The following KLHL1 variants were observed in gnomAD, a reference collection of about 807,000 sequenced individuals.
The protein encoded by KLHL1 is kelch-like protein 1.
A neutral mutation model predicts 77.7 loss-of-function variants in KLHL1; 47 were observed. The observed-to-expected ratio is 0.60, with a 90% CI of 0.48 to 0.77. KLHL1 has a LOEUF of 0.77. Among genes scored for constraint, KLHL1 ranks in the 30% least tolerant of loss-of-function variants. The probability of loss-of-function intolerance (pLI) is 0.00; values close to 1 mark genes in which losing one functional copy is unlikely to be tolerated. For missense variants in KLHL1, 925 were observed against 910.8 expected, an observed-to-expected ratio of 1.02 and a Z score of -0.20; for synonymous variants, 360 against 325.2, an observed-to-expected ratio of 1.11 and a Z score of -1.15.
At chr13:69,935,084 C>T (rs867736748) in intron 4 of KLHL1, among the ~76,000 whole-genome samples, 17 of 150,308 alleles carry the variant, frequency 1.1e-4, no homozygotes, top group African/African-American at 3.9e-4. Context: ...AATAGTTATA[C>T]TTTATAATGA....
intron 1 of KLHL1, among the ~76,000 whole-genome samples, chr13:70,077,550 C>T (rs569897527): frequency 6.6e-6 from 1 of 151,192 alleles, no homozygotes; most frequent in Non-Finnish European, 1.5e-5. Context: ...TGTGAAAATA[C>T]ATAAAACTGT....
chr13:69,907,930 G>A (rs71429624), intron 4 of KLHL1, among the ~76,000 whole-genome samples: 1 of 152,028 alleles, frequency 6.6e-6, no homozygotes, highest in South Asian at 2.1e-4. Flanking sequence ...GAAGAAAAGG[G>A]AGAATCTATT....
chr13:69,854,296 A>G (rs2138136886), intron 5 of KLHL1, among the ~76,000 whole-genome samples: 1 of 152,152 alleles, frequency 6.6e-6, no homozygotes, highest in East Asian at 1.9e-4. Context: ...ATTGAGGAAG[A>G]TGAAGGGGGG....
At chr13:69,837,622 ATGTGTGTG>A (rs911961087) in intron 6 of KLHL1, among the ~76,000 whole-genome samples, 87 of 134,884 alleles carry the variant, frequency 6.4e-4, no homozygotes, top group African/African-American at 2.3e-3. Context: ...CTCTATATAT[ATGTGTGTG>A]TATATATATA....
intron 6 of KLHL1, among the ~76,000 whole-genome samples, chr13:69,831,282 A>T (rs145056251): frequency 0.043 from 6,447 of 149,944 alleles, 901 homozygotes; most frequent in African/African-American, 0.15. Context: ...CTGATAACAC[A>T]GAAATAGAAA....
At chr13:69,944,007 G>T (rs1356696692) in intron 3 of KLHL1, among the ~76,000 whole-genome samples, 3 of 152,154 alleles carry the variant, frequency 2.0e-5, no homozygotes, top group Non-Finnish European at 4.4e-5. Context: ...ATGCAGAAAA[G>T]AATGAGCACA....
In KLHL1 at chr13:69,993,474, T is replaced by C. The variant is rs75082647; in HGVS notation, c.498-17672A>G. Among the ~76,000 whole-genome samples, 499 of 152,190 alleles carry C rather than the reference T, an allele frequency of 3.3e-3. 3 individuals are homozygous for C. Among genetic ancestry groups the C allele is most frequent in the African/African-American group, 0.011 (472 of 41,550 alleles). ...TCCTGGATTCTTTAGTTCAGGACTCTAAACACACTTTTGAACAACGAAGAA... is the reference window on the plus strand; with the variant it reads ...TCCTGGATTCTTTAGTTCAGGACTCCAAACACACTTTTGAACAACGAAGAA... On this transcript the variant is annotated intron_variant, in intron 1 of 10. Transcript: ENST00000377844.
At chr13:69,829,499 A>G in intron 6 of KLHL1, among the ~76,000 whole-genome samples, 1 of 150,166 alleles carries the variant, frequency 6.7e-6, no homozygotes, top group South Asian at 2.1e-4. Flanking sequence ...AAGGAACCAG[A>G]AAAACAATTT....
At chr13:69,796,088 G>C (rs1196268699) in intron 7 of KLHL1, among the ~76,000 whole-genome samples, 2 of 152,094 alleles carry the variant, frequency 1.3e-5, no homozygotes, top group East Asian at 3.9e-4. Flanking sequence ...GACAGCTTGA[G>C]GTCTACTTTG....
intron 6 of KLHL1, among the ~76,000 whole-genome samples, chr13:69,808,344 C>T (rs897585768): frequency 6.6e-6 from 1 of 152,066 alleles, no homozygotes; most frequent in Non-Finnish European, 1.5e-5. Context: ...CTCTTAAGGA[C>T]CACCTAGTAG....
chr13:69,746,114 T>C, intron 7 of KLHL1, among the ~76,000 whole-genome samples: 1 of 151,606 alleles, frequency 6.6e-6, no homozygotes, highest in East Asian at 1.9e-4. Context: ...TCTATTTGTT[T>C]CATCAATAAA....
chr13:69,742,173 T>C (rs972502160), intron 7 of KLHL1, among the ~76,000 whole-genome samples: 1 of 152,168 alleles, frequency 6.6e-6, no homozygotes, highest in Non-Finnish European at 1.5e-5. Flanking sequence ...GTACATGCAG[T>C]AGATTGTATT....
Position 70,029,833 on chromosome 13 carries a change from G to A in KLHL1, c.498-54031C>T, listed in dbSNP as rs1335600449. Among the ~76,000 whole-genome samples the A allele has an allele frequency of 2.0e-5, 3 of 152,316 alleles. No individual in the cohort carries two copies. In the East Asian group the frequency reaches 5.8e-4, roughly 29 times the overall value. The stretch of plus-strand genomic sequence containing the variant: ...CAAATTGGATAGTCAAGACCCATCA[G>A]TGTGCTGTATTCATGAGACCCATCT... On this transcript the variant is annotated intron_variant, in intron 1 of 10. Transcript: ENST00000377844.
chr13:69,979,877 C>A (rs1884658060), intron 1 of KLHL1, among the ~76,000 whole-genome samples: 1 of 152,188 alleles, frequency 6.6e-6, no homozygotes. Context: ...CTATACTATT[C>A]TATTTCCTTT....
intron 5 of KLHL1, among the ~76,000 whole-genome samples, chr13:69,869,042 T>C (rs180792447): frequency 6.6e-6 from 1 of 152,174 alleles, no homozygotes; most frequent in Admixed American, 6.5e-5. Flanking sequence ...ATAAGGAAGC[T>C]AACGGCAGCT....
At chr13:70,041,103 C>G (rs931015967) in intron 1 of KLHL1, among the ~76,000 whole-genome samples, 1 of 151,948 alleles carries the variant, frequency 6.6e-6, no homozygotes, top group African/African-American at 2.4e-5. Context: ...TCTTCATTGT[C>G]TCTTCTATAC....
Position 69,852,132 on chromosome 13 carries a change from G to A in KLHL1, c.1228-12970C>T, listed in dbSNP as rs549353922. Among the ~76,000 whole-genome samples, 3 of 151,932 alleles carry A rather than the reference G, an allele frequency of 2.0e-5. No homozygotes were observed. The South Asian group carries it at 6.2e-4, about 32-fold the overall frequency. On this transcript the variant is annotated intron_variant, in intron 5 of 10. Coordinates refer to ENST00000377844, the MANE Select transcript of KLHL1 (RefSeq NM_020866.3). ...TGAATTAAGAGACAAGAGTAAGCAC[G>A]CACAGCCTTAGACTGACTAGCTAAC...
intron 1 of KLHL1, among the ~76,000 whole-genome samples, chr13:70,023,230 T>C (rs1885847933): frequency 6.6e-6 from 1 of 151,956 alleles, no homozygotes; most frequent in Non-Finnish European, 1.5e-5. Flanking sequence ...TATCCTCATG[T>C]ACCGATCACT....
At chr13:69,955,873 ATATATT>A (rs1421884981) in intron 3 of KLHL1, among the ~76,000 whole-genome samples, 1 of 141,638 alleles carries the variant, frequency 7.1e-6, no homozygotes, top group African/African-American at 2.6e-5. Context: ...ACTAGCATAT[ATATATT>A]TATATATATA....
Sources: gnomAD v4.1 joint callset for allele counts (sites outside exome capture counted in the v4.1 genomes callset) on GRCh38, gnomAD v4.1.1 for gene constraint, MANE v1.5 for transcripts, NCBI Gene and HGNC (gene_info 2026-07-23, HGNC 2026-07-21) for gene names.